Variants in ADCY7 observed in about 807,000 individuals in gnomAD.
ADCY7 encodes adenylate cyclase type 7.
ADCY7 carries 72 observed loss-of-function variants against 120.6 expected under a neutral mutation model. That is an observed-to-expected ratio of 0.60 (90% confidence interval 0.49 to 0.73). The LOEUF is 0.73. Ranked by LOEUF, ADCY7 falls within the 30% of genes least tolerant of loss-of-function variation. The pLI, the probability that ADCY7 is intolerant of heterozygous loss-of-function variation, is 0.00. For missense variants in ADCY7, 1,227 were observed against 1,486.0 expected, an observed-to-expected ratio of 0.83 and a Z score of 2.87; for synonymous variants, 661 against 628.0, an observed-to-expected ratio of 1.05 and a Z score of -0.78.
intron 1 of ADCY7, among the ~76,000 whole-genome samples, chr16:50,249,899 C>T (rs1204607140): frequency 6.6e-6 from 1 of 151,516 alleles, no homozygotes; most frequent in African/African-American, 2.4e-5. Flanking sequence ...CAGCTGTTTG[C>T]AGAGGGAGCC....
At chr16:50,244,934 TG>T (rs5816682), upstream of ADCY7, among the ~76,000 whole-genome samples, 108,329 of 152,120 alleles carry the variant, frequency 0.71, 40,156 homozygotes, top group East Asian at 0.92. Context: ...TTGCTGCTGC[TG>T]GGATGTAAGT....
intron 1 of ADCY7, among the ~76,000 whole-genome samples, chr16:50,255,412 A>AAAAAAAAAAAAAAAAAAAAAAAC (rs557179196): frequency 6.8e-6 from 1 of 147,626 alleles, no homozygotes; most frequent in African/African-American, 2.5e-5. Flanking sequence ...GAAAAAAAAA[A>AAAAAAAAAAAAAAAAAAAAAAAC]AAAAAAAAAG....
chr16:50,278,339 C>G (rs2034033977), intron 1 of ADCY7, among the ~76,000 whole-genome samples: 1 of 152,192 alleles, frequency 6.6e-6, no homozygotes, highest in African/African-American at 2.4e-5. Flanking sequence ...CCATGCCTGG[C>G]CCTTCCAAAT....
rs1229822992 is a variant in ADCY7, at chr16:50,317,138, G to A, written c.*1633G>A. On this transcript the variant is annotated 3_prime_UTR_variant, in exon 26 of 26. Transcript: ENST00000673801. Reference sequence around the variant, plus strand: ...TTTATCAGCCCGAGGAAGGGCAGGTGTATTCTAATTTGCACAAAGGTGCTG... The same window carrying A: ...TTTATCAGCCCGAGGAAGGGCAGGTATATTCTAATTTGCACAAAGGTGCTG... The A allele has an allele frequency of 2.0e-5, 3 of 152,788 alleles. No homozygotes were observed. The highest frequency in any genetic ancestry group is 4.8e-5 in the African/African-American group (2 of 41,442). 9.5% of individuals were successfully genotyped at this position (152,788 alleles called of 1,614,324 possible).
rs1020624668 is a variant in ADCY7 at position 50,317,476 on chromosome 16, G to C, written c.*1971G>C. 1.3e-5 allele frequency: 2 copies of C among 152,322 alleles called. No individual in the cohort carries two copies. Among genetic ancestry groups the C allele is most frequent in the African/African-American group, 4.8e-5 (2 of 41,420 alleles). The allele number at this position is 152,322 out of a possible 1,614,324, so 9.4% of individuals were successfully genotyped here. ...AGTGCACTGGGCCTCTCTGAGGTCA[G>C]CATATTTGTACTCTTGGAATATTTG... is the stretch of plus-strand genomic sequence containing the variant. On this transcript the variant is annotated 3_prime_UTR_variant, in exon 26 of 26. Transcript: ENST00000673801.
intron 14 of ADCY7, among the ~76,000 whole-genome samples, chr16:50,306,306 A>C (rs4785403): frequency 0.27 from 40,360 of 150,738 alleles, 5,537 homozygotes; most frequent in East Asian, 0.33. Context: ...ACATTATATA[A>C]TTTAACCGTC....
Position 50,305,543 on chromosome 16 carries a change from G to A in ADCY7, c.1636G>A (p.Asp546Asn), listed in dbSNP as rs755500712. Residue 546 changes from aspartate to asparagine, a missense_variant, in exon 13 of 26, where the codon GAT becomes AAT. Physicochemically the swap from Asp to Asn is conservative, Grantham distance 23. Transcript: ENST00000673801. ...PKGRSEDDSY[D>N]DEMLSAIEGL... is the part of the protein sequence containing the mutation. The stretch of plus-strand genomic sequence containing the variant: ...GGGGCGGTCGGAGGATGACTCGTAC[G>A]ATGACGAGATGCTGTCAGCCATTGA... 20 of 1,608,592 alleles carry A rather than the reference G, an allele frequency of 1.2e-5. No individual in the cohort carries two copies. Among genetic ancestry groups the A allele is most frequent in the East Asian group, 2.2e-5 (1 of 44,866 alleles).
In ADCY7 at chr16:50,307,389, A is replaced by G. The variant is rs111271647; in HGVS notation, c.1850+242A>G. Reference sequence around the variant, plus strand: ...GTCTCTCTCCTCAGCCACCTGTCATATGTGTGGCCTGCATGCATTTTGGTT... The same window carrying G: ...GTCTCTCTCCTCAGCCACCTGTCATGTGTGTGGCCTGCATGCATTTTGGTT... On this transcript the variant is annotated intron_variant, in intron 15 of 25. Coordinates refer to ENST00000673801, the MANE Select transcript of ADCY7 (RefSeq NM_001114.5). Among the ~76,000 whole-genome samples the G allele has an allele frequency of 0.019, 2,108 of 113,110 alleles. 21 individuals carry two copies. The highest frequency in any genetic ancestry group is 0.033 in the Non-Finnish European group (1,471 of 45,132). The allele number at this position is 113,110 out of a possible 152,430, so 74.2% of individuals were successfully genotyped here.
At chr16:50,268,601 C>T (rs2033364927) in intron 1 of ADCY7, among the ~76,000 whole-genome samples, 1 of 152,202 alleles carries the variant, frequency 6.6e-6, no homozygotes, top group Admixed American at 6.5e-5. Flanking sequence ...CAGCTGTTTA[C>T]TAGCAGCTGT....
At chr16:50,301,781 G>T (rs1044772675) in intron 10 of ADCY7, 3 of 155,180 alleles carry the variant, frequency 1.9e-5, no homozygotes, top group Admixed American at 1.2e-4. Flanking sequence ...CAGGGAGTCC[G>T]GCACGTCTGG....
chr16:50,286,732 C>T (rs2034606889), intron 1 of ADCY7, among the ~76,000 whole-genome samples: 1 of 152,150 alleles, frequency 6.6e-6, no homozygotes, highest in African/African-American at 2.4e-5. Flanking sequence ...TGTGTGATCA[C>T]CTGACTTATG....
In ADCY7 at chr16:50,313,085, G is replaced by A. The variant is rs757132873; in HGVS notation, c.2751+49G>A. 7 of 1,608,406 alleles carry A rather than the reference G, an allele frequency of 4.4e-6. No homozygotes were observed. The African/African-American group carries it at 9.4e-5, about 21-fold the overall frequency. ...CGCAGCAGCCCCCACCCATGCTGGA[G>A]AGGGAAGGGCGGTGGCACCTGCCAT... On this transcript the variant is annotated intron_variant, in intron 22 of 25. Transcript: ENST00000673801.
Position 50,309,630 on chromosome 16 carries a change from T to C in ADCY7, c.2144T>C (p.Leu715Pro). The C allele has an allele frequency of 6.2e-7, 1 of 1,610,978 alleles. No homozygotes were observed. The highest frequency in any genetic ancestry group is 1.7e-4 in the Middle Eastern group (1 of 6,058). The change falls in exon 18 of 26, where the codon CTG becomes CCG. Residue 715 changes from leucine to proline, a missense_variant. By Grantham distance (98) the Leu-to-Pro change is moderately conservative. Coordinates refer to ENST00000673801, the MANE Select transcript of ADCY7 (RefSeq NM_001114.5). ...GCCGCGAGCAGCAAGACAAGAGCCC[T>C]GTGTGAGCCCCTCCCGGTGAGTGCG... ...LLAASSKTRA[L>P]CEPLPYYTCS...
At chr16:50,311,816 AAGCT>A in intron 20 of ADCY7, 30 bp downstream of exon 20, 5 of 1,137,274 alleles carry the variant, frequency 4.4e-6, no homozygotes, top group Admixed American at 2.0e-5. Context: ...CCCCCCCCCC[AAGCT>A]CTGCCCACTT....
chr16:50,308,556 C>T (rs2036233858), intron 16 of ADCY7, 111 bp from the exon 17 acceptor site: 1 of 1,549,128 alleles, frequency 6.5e-7, no homozygotes, highest in Non-Finnish European at 8.7e-7. Flanking sequence ...GGGACAATTT[C>T]CTGAGTGCCC....
At chr16:50,290,356 G>C in intron 2 of ADCY7, 101 bp from the exon 3 acceptor site, 1 of 1,301,978 alleles carries the variant, frequency 7.7e-7, no homozygotes. Context: ...CCTTCACGTG[G>C]AGGAAGCTGT....
chr16:50,294,854 G>A (rs1044620879), intron 7 of ADCY7, 103 bp downstream of exon 7: 42 of 773,282 alleles, frequency 5.4e-5, no homozygotes, highest in Admixed American at 4.2e-4. Context: ...GGGATGGGGA[G>A]GCGTGGCTGA....
upstream of ADCY7, among the ~76,000 whole-genome samples, chr16:50,261,998 G>C (rs2033070546): frequency 6.6e-6 from 1 of 152,216 alleles, no homozygotes; most frequent in Non-Finnish European, 1.5e-5. Context: ...GGGTGCTGGG[G>C]CTTTCCTTCC....
chr16:50,301,431 C>T (rs1268158532), intron 10 of ADCY7, among the ~76,000 whole-genome samples: 7 of 152,226 alleles, frequency 4.6e-5, no homozygotes, highest in Non-Finnish European at 8.8e-5. Context: ...GGGAAAACAG[C>T]GCCTGCCTCA....
Sources: allele counts gnomAD v4.1 joint callset (sites outside exome capture counted in the v4.1 genomes callset), GRCh38; gene constraint gnomAD v4.1.1; transcripts MANE v1.5; gene names NCBI Gene and HGNC (gene_info 2026-07-23, HGNC 2026-07-21).